The following TBCD variants were observed in gnomAD, a reference collection of about 807,000 sequenced individuals.
TBCD encodes the protein tubulin folding cofactor D, also known as tubulin-specific chaperone D.
A neutral mutation model predicts 169.3 loss-of-function variants in TBCD; 105 were observed. The ratio of observed to expected loss-of-function variants is 0.62; its 90% CI spans 0.53 to 0.73. The LOEUF (loss-of-function observed/expected upper bound fraction) is 0.73. Among genes scored for constraint, TBCD ranks in the 30% least tolerant of loss-of-function variants. TBCD has a pLI of 0.00. For synonymous variants in TBCD, 700 were observed against 643.9 expected (o/e 1.09, Z -1.32); for missense variants, 1,444 against 1,600.1 (o/e 0.90, Z 1.66).
chr17:82,930,673 C>T lies in TBCD; in HGVS notation c.3113+30C>T, dbSNP rs774985558. 16 of 1,613,456 alleles carry T rather than the reference C, an allele frequency of 9.9e-6. No individual in the cohort carries two copies. The highest frequency in any genetic ancestry group is 3.3e-5 in the South Asian group (3 of 91,064). ...GTGGTGTCTCTTGGGGCCTCAGAGG[C>T]GTGAGTGGTGCTGGTGCCTCTCACC... On this transcript the variant is annotated intron_variant, in intron 33 of 38. Coordinates refer to ENST00000355528, the MANE Select transcript of TBCD (RefSeq NM_005993.5). The surrounding 1 kb of genome is among the most constrained non-coding windows in gnomAD (Gnocchi z 5.2).
At chr17:82,793,467 G>A (rs2049889730) in intron 7 of TBCD, among the ~76,000 whole-genome samples, 1 of 152,236 alleles carries the variant, frequency 6.6e-6, no homozygotes, top group South Asian at 2.1e-4. Context: ...ACTGGACGTT[G>A]TGGTTTTTCT....
Position 82,807,056 on chromosome 17 carries a change from GTCCA to G in TBCD, c.1088-549_1088-546del, listed in dbSNP as rs2051021090. ...TCCCCTGTGGTCACTCAGCGAGCTT[GTCCA>G]TCAGGGTCTTCCCAGGGCTGCTTGG... On this transcript the variant is annotated intron_variant, in intron 10 of 38. Coordinates refer to ENST00000355528, the MANE Select transcript of TBCD (RefSeq NM_005993.5). Among the ~76,000 whole-genome samples the G allele has an allele frequency of 2.0e-5, 3 of 152,364 alleles. No individual in the cohort carries two copies. In the South Asian group the frequency reaches 6.2e-4, roughly 32 times the overall value.
At position 82,921,491 on chromosome 17, in the gene TBCD, T is replaced by C; in HGVS notation, c.2102-10T>C. On this transcript the variant is annotated splice_polypyrimidine_tract_variant and intron_variant, in intron 24 of 38. Coordinates refer to ENST00000355528, the MANE Select transcript of TBCD (RefSeq NM_005993.5). ...GATTGCCTGGGTACGCTAACTTGAT[T>C]TTTTGACAGATGGTTGGCAATGGCT... The C allele has an allele frequency of 1.9e-6, 3 of 1,613,958 alleles. No homozygotes were observed. The highest frequency in any genetic ancestry group is 8.5e-7 in the Non-Finnish European group (1 of 1,179,776).
chr17:82,767,376 G>GT (rs1038648320), intron 4 of TBCD, among the ~76,000 whole-genome samples: 10 of 152,174 alleles, frequency 6.6e-5, no homozygotes, highest in South Asian at 2.1e-4. Context: ...AAATTGGGAT[G>GT]TTTTTTACTA....
chr17:82,863,572 C>T (rs748015728), intron 13 of TBCD, among the ~76,000 whole-genome samples: 4 of 152,146 alleles, frequency 2.6e-5, no homozygotes, highest in African/African-American at 4.8e-5. Flanking sequence ...CCAGTGTGAG[C>T]GGGGAGGGTG....
intron 9 of TBCD, 129 bp from the exon 10 acceptor site, chr17:82,805,746 G>C (rs986309354): frequency 9.1e-7 from 1 of 1,104,128 alleles, no homozygotes; most frequent in South Asian, 1.7e-5. Context: ...CTTCTTATCC[G>C]GTCTCTGCAA....
At chr17:82,762,912 G>T (rs942815425) in intron 2 of TBCD, among the ~76,000 whole-genome samples, 1 of 152,160 alleles carries the variant, frequency 6.6e-6, no homozygotes, top group African/African-American at 2.4e-5. Flanking sequence ...GTATCTCGTT[G>T]TGTCCTTCTC....
chr17:82,786,821 CTTTTTTTT>C lies in TBCD; in HGVS notation c.771+5112_771+5119del, dbSNP rs71168154. 1.6e-4 allele frequency among the ~76,000 whole-genome samples: 18 copies of C among 110,150 alleles called. No individual in the cohort carries two copies. In the East Asian group the frequency reaches 1.6e-3, roughly 10 times the overall value. 72.3% of individuals were successfully genotyped at this position (110,150 alleles called of 152,430 possible). A position where few individuals can be genotyped will look rare whatever the true frequency, so the allele number is the denominator to read the frequency against. Reference sequence around the variant, plus strand: ...TCTTTGTTGTGGGTTCGGTTCTTTACTTTTTTTTTTTTTTTTTTTGATGATCTTGTTGG... The same window carrying C: ...TCTTTGTTGTGGGTTCGGTTCTTTACTTTTTTTTTTTGATGATCTTGTTGG... On this transcript the variant is annotated intron_variant, in intron 7 of 38. Coordinates refer to ENST00000355528, the MANE Select transcript of TBCD (RefSeq NM_005993.5).
chr17:82,807,626 T>C lies in TBCD; in HGVS notation c.1106T>C (p.Leu369Pro). 1.3e-6 allele frequency: 2 copies of C among 1,552,796 alleles called. No individual in the cohort carries two copies. Among genetic ancestry groups the C allele is most frequent in the Non-Finnish European group, 1.7e-6 (2 of 1,148,634 alleles). ...ERVIEQLLVG[L>P]KDKDTVVRWS... Reference sequence around the variant, plus strand: ...CCTACAGAGCAGCTGCTGGTCGGGCTGAAGGACAAGGACACGGTCGTGCGG... The same window carrying C: ...CCTACAGAGCAGCTGCTGGTCGGGCCGAAGGACAAGGACACGGTCGTGCGG... Residue 369 changes from leucine to proline, a missense_variant, in exon 11 of 39, where the codon CTG becomes CCG. Leu to Pro is a moderately conservative substitution (Grantham distance 98, BLOSUM62 -3). Coordinates refer to ENST00000355528, the MANE Select transcript of TBCD (RefSeq NM_005993.5).
chr17:82,936,363 G>C (rs115893874), intron 34 of TBCD, among the ~76,000 whole-genome samples: 2 of 152,024 alleles, frequency 1.3e-5, no homozygotes, highest in African/African-American at 4.8e-5. Flanking sequence ...AGCGCTTTCC[G>C]CTTCGCCGTT....
intron 11 of TBCD, among the ~76,000 whole-genome samples, chr17:82,808,046 G>T (rs1306271414): frequency 6.6e-6 from 1 of 152,198 alleles, no homozygotes; most frequent in Non-Finnish European, 1.5e-5. Context: ...GGGTGAGCAG[G>T]TGCCAGTCCC....
chr17:82,789,187 C>T lies in TBCD; in HGVS notation c.771+7466C>T, dbSNP rs916527231. Among the ~76,000 whole-genome samples, 49 of 152,308 alleles carry T rather than the reference C, an allele frequency of 3.2e-4. No individual in the cohort carries two copies. The highest frequency in any genetic ancestry group is 3.4e-3 in the Middle Eastern group (1 of 294). ...CGAGGTACCCCAGGCCACGCTGGTTCGGTCTCCTCGTGGCGTTAAGGAAAG... is the reference window on the plus strand; with the variant it reads ...CGAGGTACCCCAGGCCACGCTGGTTTGGTCTCCTCGTGGCGTTAAGGAAAG... On this transcript the variant is annotated intron_variant, in intron 7 of 38. Transcript: ENST00000355528. This position sits in a 1 kb window ranked among gnomAD's most constrained non-coding sequence, Gnocchi z 4.8.
intron 8 of TBCD, among the ~76,000 whole-genome samples, chr17:82,799,253 G>A (rs2050321018): frequency 6.6e-6 from 1 of 151,754 alleles, no homozygotes. Context: ...GACCAGCCTG[G>A]CCAACATAGT....
At chr17:82,846,746 ACCTGCCTGAGAACC>A (rs2055156081) in intron 13 of TBCD, among the ~76,000 whole-genome samples, 1 of 152,280 alleles carries the variant, frequency 6.6e-6, no homozygotes, top group African/African-American at 2.4e-5. Context: ...TTACATGGTC[ACCTGCCTGAGAACC>A]CCTGCAGGCC....
At chr17:82,869,837 A>G (rs186566083) in intron 13 of TBCD, among the ~76,000 whole-genome samples, 6 of 144,766 alleles carry the variant, frequency 4.1e-5, no homozygotes, top group African/African-American at 1.7e-4. Flanking sequence ...CCCCTGAACC[A>G]GGGGCGCCTC....
chr17:82,884,340 A>C lies in TBCD; in HGVS notation c.1533+138A>C, dbSNP rs2058580195. The C allele has an allele frequency of 3.8e-6, 3 of 787,074 alleles. No homozygotes were observed. The South Asian group carries it at 4.6e-5, about 12-fold the overall frequency. 48.8% of individuals were successfully genotyped at this position (787,074 alleles called of 1,614,324 possible). On this transcript the variant is annotated intron_variant, in intron 15 of 38. Coordinates refer to ENST00000355528, the MANE Select transcript of TBCD (RefSeq NM_005993.5). The surrounding 1 kb of genome is among the most constrained non-coding windows in gnomAD (Gnocchi z 4.2). ...CCGCGAGGGAGCTGCTGAGAGTGCC[A>C]GCTGCGGGCAGGCCACTGGTTCTTA... is the stretch of plus-strand genomic sequence containing the variant.
chr17:82,945,782 T>C lies in TBCD; in HGVS notation c.*3319T>C, dbSNP rs2063659150. 6.6e-6 allele frequency: 1 copy of C among 152,164 alleles called. No homozygotes were observed. The highest frequency in any genetic ancestry group is 1.9e-4 in the East Asian group (1 of 5,202). 9.4% of individuals were successfully genotyped at this position (152,164 alleles called of 1,614,324 possible). ...AAATGTCTCCAGACACTGCCAAATA[T>C]CTTCTGGGGGTGCCCCTGGTTGAGA... On this transcript the variant is annotated 3_prime_UTR_variant, in exon 39 of 39. Transcript: ENST00000355528.
intron 6 of TBCD, among the ~76,000 whole-genome samples, chr17:82,778,403 C>G (rs2048733622): frequency 1.3e-5 from 2 of 152,140 alleles, no homozygotes; most frequent in Non-Finnish European, 2.9e-5. Context: ...GCCCTGGGCC[C>G]CTTTTGCAGA....
chr17:82,820,367 A>G (rs541429114), intron 13 of TBCD, among the ~76,000 whole-genome samples: 69 of 152,308 alleles, frequency 4.5e-4, no homozygotes, highest in Middle Eastern at 3.4e-3. Flanking sequence ...AAAAATGTCA[A>G]GTGTTCTGAT....
Sources: allele counts gnomAD v4.1 joint callset (sites outside exome capture counted in the v4.1 genomes callset), GRCh38; gene constraint gnomAD v4.1.1; non-coding constraint Gnocchi (gnomAD v3.1); transcripts MANE v1.5; gene names NCBI Gene and HGNC (gene_info 2026-07-23, HGNC 2026-07-21).